The following STXBP5 variants were observed in gnomAD, a reference collection of about 807,000 sequenced individuals.
STXBP5 encodes the protein syntaxin-binding protein 5.
Under a neutral mutation model 152.4 loss-of-function variants are expected in STXBP5, and 50 were observed. The observed-to-expected ratio is 0.33, with a 90% CI of 0.26 to 0.42. STXBP5 has a LOEUF of 0.42. Among genes scored for constraint, STXBP5 ranks in the 10% least tolerant of loss-of-function variants. The pLI is 1.00. For missense variants in STXBP5, 1,167 were observed against 1,388.6 expected (o/e 0.84, Z 2.54); for synonymous variants, 492 against 494.7 (o/e 0.99, Z 0.07).
intron 9 of STXBP5, among the ~76,000 whole-genome samples, chr6:147,306,281 T>G (rs991032352): frequency 6.6e-6 from 1 of 152,238 alleles, no homozygotes; most frequent in Non-Finnish European, 1.5e-5. Context: ...AGCTAGAACA[T>G]GCAAAGCAGA....
chr6:147,267,131 A>G lies in STXBP5; in HGVS notation c.678A>G (p.Lys226=). ...GAACAGTAGTTTTATGGGACCTCAA[A>G]TCAAAGAAAGCCGACTACAGATACA... ...ESGTVVLWDL[K]SKKADYRYTY... The change falls in exon 7 of 28, where the codon AAA becomes AAG. Residue 226 remains lysine (K), a synonymous_variant. Transcript: ENST00000321680. 1 of 1,610,268 alleles carries G rather than the reference A, an allele frequency of 6.2e-7. No individual in the cohort carries two copies. Among genetic ancestry groups the G allele is most frequent in the South Asian group, 1.1e-5 (1 of 90,300 alleles).
intron 11 of STXBP5, among the ~76,000 whole-genome samples, chr6:147,313,589 A>G (rs1285369169): frequency 6.6e-6 from 1 of 152,154 alleles, no homozygotes; most frequent in Non-Finnish European, 1.5e-5. Flanking sequence ...TTTGTTCTTC[A>G]GTAAAATGCC....
chr6:147,353,240 A>G (rs1403858666), intron 21 of STXBP5, 83 bp from the exon 22 acceptor site: 4 of 789,438 alleles, frequency 5.1e-6, no homozygotes, highest in Admixed American at 6.0e-5. Context: ...TAATAAAAGT[A>G]TTCACTTCTA....
intron 18 of STXBP5, among the ~76,000 whole-genome samples, chr6:147,332,162 A>G (rs1783605461): frequency 6.6e-6 from 1 of 152,200 alleles, no homozygotes; most frequent in South Asian, 2.1e-4. Flanking sequence ...ATTAAGTTAC[A>G]TGCTATGAAA....
intron 2 of STXBP5, among the ~76,000 whole-genome samples, chr6:147,220,646 C>A (rs1777412045): frequency 6.6e-6 from 1 of 152,038 alleles, no homozygotes; most frequent in South Asian, 2.1e-4. Context: ...AATGACTTTC[C>A]TTGGTCTGAA....
chr6:147,328,695 T>A (rs1160918756), intron 18 of STXBP5: 2 of 470,158 alleles, frequency 4.3e-6, no homozygotes, highest in African/African-American at 4.0e-5. Flanking sequence ...ATTGCTTCAC[T>A]AAGGTGTGCT....
intron 5 of STXBP5, among the ~76,000 whole-genome samples, chr6:147,261,961 G>T (rs527708210): frequency 5.3e-4 from 81 of 151,862 alleles, no homozygotes; most frequent in Non-Finnish European, 9.7e-4. Context: ...TAAGATAGGT[G>T]CTGCATTATT....
At chr6:147,258,093 C>T (rs1779463009) in intron 4 of STXBP5, among the ~76,000 whole-genome samples, 1 of 152,182 alleles carries the variant, frequency 6.6e-6, no homozygotes, top group African/African-American at 2.4e-5. Context: ...GCCCCTCTTC[C>T]TTGCAAGTAC....
intron 17 of STXBP5, among the ~76,000 whole-genome samples, chr6:147,325,551 G>A (rs9399598): frequency 0.57 from 85,992 of 151,972 alleles, 24,612 homozygotes; most frequent in Middle Eastern, 0.61. Flanking sequence ...CATTTATACT[G>A]TAGTATACTG....
chr6:147,212,402 G>A (rs185019098), intron 2 of STXBP5, among the ~76,000 whole-genome samples: 25 of 152,196 alleles, frequency 1.6e-4, no homozygotes, highest in Non-Finnish European at 1.9e-4. Flanking sequence ...AAAAGTAAAG[G>A]CATTTTGGAA....
intron 19 of STXBP5, 59 bp from the exon 20 acceptor site, chr6:147,339,120 C>G: frequency 7.3e-7 from 1 of 1,367,408 alleles, no homozygotes; most frequent in East Asian, 2.6e-5. Flanking sequence ...TTTCTTGTTA[C>G]AGCTCAGTAT....
intron 9 of STXBP5, chr6:147,293,082 A>ATACT (rs2128354142): frequency 6.6e-6 from 1 of 152,278 alleles, no homozygotes; most frequent in Admixed American, 6.5e-5. Context: ...GTTGCCTACA[A>ATACT]TACTTAGTAC....
At chr6:147,312,138 A>C (rs1562479744) in intron 11 of STXBP5, among the ~76,000 whole-genome samples, 1 of 152,128 alleles carries the variant, frequency 6.6e-6, no homozygotes, top group Non-Finnish European at 1.5e-5. Context: ...CAATACCTGA[A>C]ACACTAGTTG....
At chr6:147,296,891 G>A (rs598038) in intron 9 of STXBP5, among the ~76,000 whole-genome samples, 64,809 of 151,606 alleles carry the variant, frequency 0.43, 14,088 homozygotes, top group East Asian at 0.7. Flanking sequence ...TTGAAGGCAG[G>A]TCTTTTGAAA....
At position 147,322,741 on chromosome 6, in the gene STXBP5, T is replaced by C. The variant is rs185878101; in HGVS notation, c.1803-2218T>C. Among the ~76,000 whole-genome samples, 8 of 152,356 alleles carry C rather than the reference T, an allele frequency of 5.3e-5. No homozygotes were observed. In the East Asian group the frequency reaches 1.5e-3, roughly 29 times the overall value. On this transcript the variant is annotated intron_variant, in intron 16 of 27. Coordinates refer to ENST00000321680, the MANE Select transcript of STXBP5 (RefSeq NM_001127715.4). ...AAATGTTTTTAACTTAAAGTCATAGTAGAGTTTTTTACAATAAAAGCAGTC... is the reference window on the plus strand; with the variant it reads ...AAATGTTTTTAACTTAAAGTCATAGCAGAGTTTTTTACAATAAAAGCAGTC...
chr6:147,244,944 A>G (rs984011387), intron 4 of STXBP5, among the ~76,000 whole-genome samples: 1 of 115,258 alleles, frequency 8.7e-6, no homozygotes, highest in African/African-American at 3.4e-5. Context: ...ATGCCTAGCT[A>G]TTATTTTCTT....
intron 8 of STXBP5, among the ~76,000 whole-genome samples, chr6:147,282,988 AAT>A (rs1334759798): frequency 6.6e-6 from 1 of 152,278 alleles, no homozygotes; most frequent in African/African-American, 2.4e-5. Flanking sequence ...AAAAAAAAAA[AAT>A]GTCATAATGT....
In STXBP5 at chr6:147,381,449, G is replaced by A. The variant is rs906435842; in HGVS notation, c.3194-1329G>A. Among the ~76,000 whole-genome samples, 3 of 151,908 alleles carry A rather than the reference G, an allele frequency of 2.0e-5. No homozygotes were observed. The East Asian group carries it at 5.8e-4, about 29-fold the overall frequency. ...ATATTACTGGTTGAAATGTAAAATGGGTGCACCCTCTTTGGAAAACTGATG... is the reference window on the plus strand; with the variant it reads ...ATATTACTGGTTGAAATGTAAAATGAGTGCACCCTCTTTGGAAAACTGATG... On this transcript the variant is annotated intron_variant, in intron 26 of 27. Coordinates refer to ENST00000321680, the MANE Select transcript of STXBP5 (RefSeq NM_001127715.4).
At chr6:147,242,434 G>A (rs767086816) in intron 4 of STXBP5, among the ~76,000 whole-genome samples, 3 of 152,050 alleles carry the variant, frequency 2.0e-5, no homozygotes, top group Non-Finnish European at 2.9e-5. Flanking sequence ...TGTTTATAAA[G>A]TCTACACTAG....
Sources: allele counts gnomAD v4.1 joint callset (sites outside exome capture counted in the v4.1 genomes callset), GRCh38; gene constraint gnomAD v4.1.1; transcripts MANE v1.5; gene names NCBI Gene and HGNC (gene_info 2026-07-23, HGNC 2026-07-21).